Variants in NCOR1 observed in about 807,000 individuals in gnomAD.
NCOR1 encodes the protein protein phosphatase 1, regulatory subunit 109.
In NCOR1, 63 loss-of-function variants were observed where a neutral mutation model predicts 288.1. The ratio of observed to expected loss-of-function variants is 0.22; its 90% CI spans 0.18 to 0.27. The LOEUF is 0.27. NCOR1 is among the 10% of genes least tolerant of loss of function. NCOR1 has a pLI of 1.00. For synonymous variants in NCOR1, 1,007 were observed against 1,065.9 expected, an observed-to-expected ratio of 0.94 and a Z score of 1.08; for missense variants, 2,397 against 3,019.2, an observed-to-expected ratio of 0.79 and a Z score of 4.83.
intron 1 of NCOR1, among the ~76,000 whole-genome samples, chr17:16,196,392 G>A (rs1468344840): frequency 1.3e-5 from 2 of 152,030 alleles, no homozygotes; most frequent in Admixed American, 1.3e-4. Context: ...CTTATAGGCT[G>A]GCCACAGTGG....
At chr17:16,115,275 T>C (rs1442186367) in intron 18 of NCOR1, among the ~76,000 whole-genome samples, 2 of 152,158 alleles carry the variant, frequency 1.3e-5, no homozygotes, top group Non-Finnish European at 2.9e-5. Flanking sequence ...TTTTTCCTCC[T>C]CAGCCTCCAG....
chr17:16,186,687 C>G lies in NCOR1; in HGVS notation c.109G>C (p.Glu37Gln). 1 of 1,609,436 alleles carries G rather than the reference C, an allele frequency of 6.2e-7. No individual in the cohort carries two copies. Among genetic ancestry groups the G allele is most frequent in the Non-Finnish European group, 8.5e-7 (1 of 1,178,144 alleles). Residue 37 changes from glutamate to glutamine, a missense_variant and splice_region_variant, in exon 3 of 46, where the codon GAG becomes CAG. This residue lies in a region of NCOR1 where 55 missense variants were observed against 69.6 expected (regional missense o/e 0.79). Transcript: ENST00000268712. ...GAACGATAATCAGGGACTGCGAACTCCTAGTATTAAAATAATCATAAATCA... is the reference window on the plus strand; with the variant it reads ...GAACGATAATCAGGGACTGCGAACTGCTAGTATTAAAATAATCATAAATCA... ...YTFPNTRHQQ[E>Q]FAVPDYRSSH...
chr17:16,129,324 G>C (rs1254316216), intron 14 of NCOR1, among the ~76,000 whole-genome samples: 1 of 152,030 alleles, frequency 6.6e-6, no homozygotes, highest in Non-Finnish European at 1.5e-5. Context: ...TCCTCATTGT[G>C]ACCTTTGAAC....
At chr17:16,146,870 C>CA (rs1468783282) in intron 9 of NCOR1, among the ~76,000 whole-genome samples, 3 of 151,994 alleles carry the variant, frequency 2.0e-5, no homozygotes, top group Middle Eastern at 3.4e-3. Flanking sequence ...ATTGTTGTCC[C>CA]AAAAAAATGG....
At chr17:16,095,218 C>T (rs1318618425) in intron 21 of NCOR1, among the ~76,000 whole-genome samples, 1 of 151,666 alleles carries the variant, frequency 6.6e-6, no homozygotes, top group African/African-American at 2.4e-5. Flanking sequence ...TACCCCGCCG[C>T]CCCGTCTGGG....
At chr17:16,127,727 A>ATGTATATATGTG (rs2074952366) in intron 14 of NCOR1, among the ~76,000 whole-genome samples, 1 of 122,060 alleles carries the variant, frequency 8.2e-6, no homozygotes, top group Admixed American at 8.5e-5. Flanking sequence ...ATATACATAT[A>ATGTATATATGTG]TGTGTATATA....
chr17:16,140,997 C>CAAAAAAAAAAAAAAAAAAAAAAAAAA (rs372397821), intron 11 of NCOR1, among the ~76,000 whole-genome samples: 1 of 113,730 alleles, frequency 8.8e-6, no homozygotes. Flanking sequence ...TCTCCTATCT[C>CAAAAAAAAAAAAAAAAAAAAAAAAAA]AAAAAAAAAA....
chr17:16,174,021 G>A (rs1353309422), intron 3 of NCOR1, among the ~76,000 whole-genome samples: 2 of 151,634 alleles, frequency 1.3e-5, no homozygotes, highest in African/African-American at 2.4e-5. Flanking sequence ...TTTAAACACT[G>A]AAAACCACAA....
chr17:16,152,063 A>T, intron 7 of NCOR1, 65 bp from the exon 8 acceptor site: 1 of 1,133,644 alleles, frequency 8.8e-7, no homozygotes, highest in Non-Finnish European at 1.3e-6. Flanking sequence ...AGACAAAGAA[A>T]CATAATTTTA....
intron 3 of NCOR1, among the ~76,000 whole-genome samples, chr17:16,176,988 A>G (rs1419847269): frequency 1.3e-5 from 2 of 151,982 alleles, no homozygotes; most frequent in Non-Finnish European, 2.9e-5. Context: ...CAGGTTTTCC[A>G]CCTCAAAAAC....
intron 4 of NCOR1, among the ~76,000 whole-genome samples, chr17:16,167,859 C>CAAAAAAA (rs71299856): frequency 3.2e-5 from 2 of 62,654 alleles, no homozygotes; most frequent in African/African-American, 6.8e-5. Context: ...GACTCCATCT[C>CAAAAAAA]AAAAAAAAAA....
chr17:16,108,741 T>C, intron 19 of NCOR1, 45 bp downstream of exon 19: 1 of 1,531,340 alleles, frequency 6.5e-7, no homozygotes, highest in Non-Finnish European at 8.8e-7. Flanking sequence ...AAATTATTTA[T>C]TCTGGATAGC....
intron 14 of NCOR1, among the ~76,000 whole-genome samples, chr17:16,129,136 AC>A (rs922244625): frequency 5.9e-5 from 9 of 152,198 alleles, no homozygotes; most frequent in Non-Finnish European, 1.0e-4. Flanking sequence ...AATCAACATA[AC>A]ATCTCACAGT....
At position 16,116,235 on chromosome 17, in the gene NCOR1, G is replaced by A. The variant is rs545855196; in HGVS notation, c.2055+1653C>T. Among the ~76,000 whole-genome samples, 5 of 152,296 alleles carry A rather than the reference G, an allele frequency of 3.3e-5. No individual in the cohort carries two copies. The South Asian group carries it at 1.0e-3, about 32-fold the overall frequency. ...CCCATGACACATGGTAATTGTAGGA[G>A]TTACAATTAAAGATGAGACTTGGGT... On this transcript the variant is annotated intron_variant, in intron 18 of 45. Transcript: ENST00000268712.
chr17:16,198,373 A>C (rs1246418338), intron 1 of NCOR1: 2 of 152,284 alleles, frequency 1.3e-5, no homozygotes, highest in African/African-American at 4.9e-5. Context: ...AAAAAAAAAA[A>C]AAAAACATCT....
chr17:16,040,617 C>A, intron 42 of NCOR1, 123 bp from the exon 43 acceptor site: 1 of 877,046 alleles, frequency 1.1e-6, no homozygotes, highest in Non-Finnish European at 1.8e-6. Context: ...ACCTTTATTT[C>A]TCACCCATTA....
chr17:16,208,967 T>C (rs1203591383), intron 1 of NCOR1, among the ~76,000 whole-genome samples: 1 of 152,200 alleles, frequency 6.6e-6, no homozygotes, highest in Non-Finnish European at 1.5e-5. Context: ...CATATGTGTA[T>C]CAGAGATCTT....
At chr17:16,173,180 C>G (rs1373551683) in intron 3 of NCOR1, among the ~76,000 whole-genome samples, 3 of 152,112 alleles carry the variant, frequency 2.0e-5, no homozygotes, top group Non-Finnish European at 2.9e-5. Context: ...CTCAGCCTCC[C>G]AAAGTGCTGA....
intron 21 of NCOR1, among the ~76,000 whole-genome samples, chr17:16,092,679 ATATATATATATATATATTTTTTTTT>A (rs2065515663): frequency 1.1e-4 from 2 of 18,678 alleles, no homozygotes; most frequent in African/African-American, 2.9e-4. Flanking sequence ...ATATATATAT[ATATATATATATATATATTTTTTTTT>A]TTTTTTTTTT....
Sources: allele counts gnomAD v4.1 joint callset (sites outside exome capture counted in the v4.1 genomes callset), GRCh38; gene constraint gnomAD v4.1.1; regional missense constraint gnomAD v4.1.1; transcripts MANE v1.5; gene names NCBI Gene and HGNC (gene_info 2026-07-23, HGNC 2026-07-21).